The following KIAA1328 variants were observed in gnomAD, a reference collection of about 807,000 sequenced individuals.
KIAA1328 encodes KIAA1328, also known as protein hinderin.
A neutral mutation model predicts 68.1 loss-of-function variants in KIAA1328; 52 were observed. That is an observed-to-expected ratio of 0.76 (90% CI 0.61 to 0.96). The LOEUF is 0.96. KIAA1328 is among the 40% of genes least tolerant of loss of function. The pLI is 0.00. For missense variants in KIAA1328, 641 were observed against 677.6 expected, an observed-to-expected ratio of 0.95 and a Z score of 0.60; for synonymous variants, 232 against 239.4, an observed-to-expected ratio of 0.97 and a Z score of 0.28.
chr18:36,849,085 G>C (rs189056700), intron 4 of KIAA1328, among the ~76,000 whole-genome samples: 2 of 151,876 alleles, frequency 1.3e-5, no homozygotes, highest in East Asian at 1.9e-4. Flanking sequence ...TTAGTGTACA[G>C]TTCAGTAGTG....
chr18:36,836,819 A>T (rs1347956489), intron 3 of KIAA1328, among the ~76,000 whole-genome samples: 2 of 151,996 alleles, frequency 1.3e-5, no homozygotes, highest in Non-Finnish European at 2.9e-5. Flanking sequence ...CCTAGCAAAC[A>T]CTAATCTGCT....
chr18:36,846,475 C>A (rs1250008388), intron 4 of KIAA1328, among the ~76,000 whole-genome samples: 3 of 151,424 alleles, frequency 2.0e-5, no homozygotes, highest in Admixed American at 2.0e-4. Flanking sequence ...TGTCAAAGTG[C>A]AATTTGCATG....
At chr18:36,840,792 A>C (rs1458330457) in intron 3 of KIAA1328, among the ~76,000 whole-genome samples, 1 of 152,036 alleles carries the variant, frequency 6.6e-6, no homozygotes, top group African/African-American at 2.4e-5. Flanking sequence ...GTTGGTATTG[A>C]TGTTGAGTAT....
At chr18:37,001,358 A>G (rs1221074269) in intron 6 of KIAA1328, among the ~76,000 whole-genome samples, 1 of 152,158 alleles carries the variant, frequency 6.6e-6, no homozygotes, top group East Asian at 1.9e-4. Flanking sequence ...TATAATGTTG[A>G]GCAAGATTGA....
intron 5 of KIAA1328, among the ~76,000 whole-genome samples, chr18:36,931,103 T>C (rs2050292850): frequency 6.6e-6 from 1 of 152,098 alleles, no homozygotes; most frequent in African/African-American, 2.4e-5. Context: ...TTCCTCTTGC[T>C]TTTACTCAGC....
intron 9 of KIAA1328, among the ~76,000 whole-genome samples, chr18:37,175,248 T>C (rs2154214367): frequency 6.6e-6 from 1 of 152,298 alleles, no homozygotes; most frequent in Non-Finnish European, 1.5e-5. Flanking sequence ...TATATTGTTT[T>C]TGATGGTTGC....
In KIAA1328 at chr18:37,085,323, G is replaced by A. The variant is rs115128132; in HGVS notation, c.1232+17778G>A. Among the ~76,000 whole-genome samples, 1,031 of 152,178 alleles carry A rather than the reference G, an allele frequency of 6.8e-3. 16 individuals are homozygous for A. Among genetic ancestry groups the A allele is most frequent in the African/African-American group, 0.023 (958 of 41,502 alleles). On this transcript the variant is annotated intron_variant, in intron 7 of 9. Coordinates refer to ENST00000280020, the MANE Select transcript of KIAA1328 (RefSeq NM_020776.3). ...CCCTCTCTTCCCTGCCCAAACAGAGGGTATCTCTCTCTACTGTGTTGCCAG... is the reference window on the plus strand; with the variant it reads ...CCCTCTCTTCCCTGCCCAAACAGAGAGTATCTCTCTCTACTGTGTTGCCAG...
chr18:36,915,643 C>A (rs891083547), intron 5 of KIAA1328, among the ~76,000 whole-genome samples: 3 of 152,048 alleles, frequency 2.0e-5, no homozygotes, highest in Non-Finnish European at 4.4e-5. Context: ...TACACACCTT[C>A]TAGAATAGGT....
In KIAA1328 at chr18:36,933,891, T is replaced by C. The variant is rs2151158420; in HGVS notation, c.449-25417T>C. 1.3e-5 allele frequency among the ~76,000 whole-genome samples: 2 copies of C among 152,348 alleles called. 1 individual carries two copies. Among genetic ancestry groups the C allele is most frequent in the South Asian group, 4.1e-4 (2 of 4,832 alleles). ...CTTTGTTCTCTCTTGGCCTTGCAGT[T>C]GACTAGGGCTAGAGCTAACTGGGGA... On this transcript the variant is annotated intron_variant, in intron 5 of 9. Transcript: ENST00000280020.
intron 5 of KIAA1328, chr18:36,902,153 G>A (rs1250941502): frequency 6.6e-6 from 1 of 150,414 alleles, no homozygotes; most frequent in Non-Finnish European, 1.5e-5. Flanking sequence ...TATGAAAGTT[G>A]CAAAAAAAAA....
At chr18:37,078,888 T>G (rs1568376901) in intron 7 of KIAA1328, among the ~76,000 whole-genome samples, 4 of 151,390 alleles carry the variant, frequency 2.6e-5, no homozygotes, top group African/African-American at 9.7e-5. Flanking sequence ...GGTGGGACTG[T>G]AAACTAGTTC....
At chr18:37,193,126 A>G (rs1358137355) in intron 9 of KIAA1328, among the ~76,000 whole-genome samples, 1 of 152,168 alleles carries the variant, frequency 6.6e-6, no homozygotes, top group Non-Finnish European at 1.5e-5. Context: ...ATTGGTGGGC[A>G]TTGTTGAAGA....
intron 5 of KIAA1328, chr18:36,902,433 A>G (rs770507381): frequency 1.3e-5 from 2 of 152,086 alleles, no homozygotes; most frequent in Non-Finnish European, 2.9e-5. Flanking sequence ...GTGCCGTGAT[A>G]TTTAGTCTAA....
chr18:36,863,545 C>T (rs2047640325), intron 4 of KIAA1328, among the ~76,000 whole-genome samples: 1 of 152,066 alleles, frequency 6.6e-6, no homozygotes, highest in Non-Finnish European at 1.5e-5. Context: ...TTGTTAATGT[C>T]TACATAAAAT....
chr18:36,840,703 G>A (rs539548542), intron 3 of KIAA1328, among the ~76,000 whole-genome samples: 1 of 152,064 alleles, frequency 6.6e-6, no homozygotes, highest in African/African-American at 2.4e-5. Flanking sequence ...CACCCACCTC[G>A]GCCTCCGAAA....
At chr18:37,154,797 T>C (rs988197238) in intron 7 of KIAA1328, among the ~76,000 whole-genome samples, 4 of 152,212 alleles carry the variant, frequency 2.6e-5, no homozygotes, top group African/African-American at 9.7e-5. Flanking sequence ...ATATTTCTGG[T>C]GTTGTTGCTG....
rs2053829620 is a variant in KIAA1328, at chr18:37,007,632, C to A, written c.576+48197C>A. On this transcript the variant is annotated intron_variant, in intron 6 of 9. Coordinates refer to ENST00000280020, the MANE Select transcript of KIAA1328 (RefSeq NM_020776.3). ...TAATATAAATAGAAGAGGAGCCAAT[C>A]TGATGAGAAATAAAATTAGACAAGT... 2.0e-5 allele frequency among the ~76,000 whole-genome samples: 3 copies of A among 152,120 alleles called. No individual in the cohort carries two copies. The South Asian group carries it at 6.2e-4, about 32-fold the overall frequency.
At chr18:36,934,660 C>T (rs1037274608) in intron 5 of KIAA1328, among the ~76,000 whole-genome samples, 2 of 152,156 alleles carry the variant, frequency 1.3e-5, no homozygotes, top group African/African-American at 4.8e-5. Flanking sequence ...CTTCCAGGCT[C>T]TGTCTCATTG....
At chr18:37,127,959 C>A (rs1334507467) in intron 7 of KIAA1328, among the ~76,000 whole-genome samples, 7 of 151,520 alleles carry the variant, frequency 4.6e-5, no homozygotes, top group Non-Finnish European at 1.0e-4. Context: ...CACAATAATT[C>A]CATGGAGGAA....
Sources: allele counts gnomAD v4.1 joint callset (sites outside exome capture counted in the v4.1 genomes callset), GRCh38; gene constraint gnomAD v4.1.1; transcripts MANE v1.5; gene names NCBI Gene and HGNC (gene_info 2026-07-23, HGNC 2026-07-21).